Variants in ELAVL1 observed in about 807,000 individuals in gnomAD.
The protein encoded by ELAVL1 is ELAV-like protein 1.
Under a neutral mutation model 28.4 loss-of-function variants are expected in ELAVL1, and 1 was observed. The observed-to-expected ratio is 0.04, with a 90% CI of 0.01 to 0.17. ELAVL1 has a LOEUF of 0.17. Among genes scored for constraint, ELAVL1 ranks in the 10% least tolerant of loss-of-function variants. The probability of loss-of-function intolerance (pLI) is 1.00; values close to 1 mark genes in which losing one functional copy is unlikely to be tolerated. For missense variants in ELAVL1, 157 were observed against 447.2 expected, an observed-to-expected ratio of 0.35 and a Z score of 5.85; for synonymous variants, 174 against 183.5, an observed-to-expected ratio of 0.95 and a Z score of 0.42.
chr19:7,963,480 G>C lies in ELAVL1; in HGVS notation c.*3C>G. The C allele has an allele frequency of 6.2e-7, 1 of 1,600,738 alleles. No individual in the cohort carries two copies. ...ATTCCGTACAAAAAAAAGCATGAGC[G>C]AGTTATTTGTGGGACTTGTTGGTTT... On this transcript the variant is annotated 3_prime_UTR_variant, in exon 6 of 6. Transcript: ENST00000407627. This position sits in a 1 kb window ranked among gnomAD's most constrained non-coding sequence, Gnocchi z 4.5.
chr19:7,986,465 C>T (rs765652669), intron 2 of ELAVL1, among the ~76,000 whole-genome samples: 1 of 152,234 alleles, frequency 6.6e-6, no homozygotes, highest in African/African-American at 2.4e-5. Flanking sequence ...TCACCCTGAT[C>T]GGATGTCGCT....
chr19:7,981,193 A>G lies in ELAVL1; in HGVS notation c.173-7T>C, dbSNP rs2145213147. On this transcript the variant is annotated splice_polypyrimidine_tract_variant and splice_region_variant and intron_variant, in intron 2 of 5. Coordinates refer to ENST00000407627, the MANE Select transcript of ELAVL1 (RefSeq NM_001419.3). This position sits in a 1 kb window ranked among gnomAD's most constrained non-coding sequence, Gnocchi z 4.2. ...CCATAGCCCAAGCTGTGTCCTGTGC[A>G]AGAGAACATGAAGACATTGGTAAGC... The G allele has an allele frequency of 6.2e-7, 1 of 1,614,120 alleles. No individual in the cohort carries two copies. The highest frequency in any genetic ancestry group is 1.7e-5 in the Admixed American group (1 of 60,020).
chr19:7,969,367 G>A (rs916358396), intron 4 of ELAVL1, among the ~76,000 whole-genome samples: 3 of 152,216 alleles, frequency 2.0e-5, no homozygotes, highest in East Asian at 1.9e-4. Context: ...CTGTCTCCAC[G>A]CCTCACACGG....
At chr19:7,986,832 C>A (rs1282973809) in intron 2 of ELAVL1, among the ~76,000 whole-genome samples, 1 of 152,128 alleles carries the variant, frequency 6.6e-6, no homozygotes, top group East Asian at 1.9e-4. Flanking sequence ...GAGAGAAGAG[C>A]CCATTCTGTA....
At chr19:7,999,976 T>C (rs2081061980) in intron 1 of ELAVL1, among the ~76,000 whole-genome samples, 1 of 152,150 alleles carries the variant, frequency 6.6e-6, no homozygotes, top group Non-Finnish European at 1.5e-5. Context: ...AGGGTTTCAC[T>C]ACGTTGGCCA....
intron 3 of ELAVL1, among the ~76,000 whole-genome samples, chr19:7,978,129 C>T (rs1052703926): frequency 6.6e-6 from 1 of 152,242 alleles, no homozygotes; most frequent in Non-Finnish European, 1.5e-5. Context: ...GCCAGTGACC[C>T]CCAGCACCTG....
At chr19:7,986,551 G>C (rs201061480) in intron 2 of ELAVL1, among the ~76,000 whole-genome samples, 1 of 152,162 alleles carries the variant, frequency 6.6e-6, no homozygotes, top group East Asian at 1.9e-4. Flanking sequence ...AAGGAAGGGT[G>C]AACTAAGCGT....
intron 2 of ELAVL1, among the ~76,000 whole-genome samples, chr19:7,987,869 G>A (rs573210027): frequency 3.9e-5 from 6 of 152,312 alleles, no homozygotes; most frequent in East Asian, 1.9e-4. Flanking sequence ...AACCCACAGC[G>A]GAGCATCTGA....
intron 1 of ELAVL1, among the ~76,000 whole-genome samples, chr19:7,997,666 T>C (rs1037335382): frequency 1.3e-5 from 2 of 151,942 alleles, no homozygotes; most frequent in African/African-American, 4.8e-5. Flanking sequence ...ATTGTCTGAG[T>C]GTGGCGACTC....
chr19:7,996,052 T>C (rs1985865342), intron 1 of ELAVL1, among the ~76,000 whole-genome samples: 2 of 152,010 alleles, frequency 1.3e-5, no homozygotes, highest in African/African-American at 4.8e-5. Flanking sequence ...AATTTTTTAT[T>C]TTTTGTCGAG....
chr19:7,982,654 G>A lies in ELAVL1; in HGVS notation c.173-1468C>T, dbSNP rs1599672648. Among the ~76,000 whole-genome samples, 2 of 152,298 alleles carry A rather than the reference G, an allele frequency of 1.3e-5. No homozygotes were observed. The highest frequency in any genetic ancestry group is 3.4e-3 in the Middle Eastern group (1 of 294). On this transcript the variant is annotated intron_variant, in intron 2 of 5. Transcript: ENST00000407627. This position sits in a 1 kb window ranked among gnomAD's most constrained non-coding sequence, Gnocchi z 4.3. ...CAAGTGAGTATGAAATGCTGGTGAC[G>A]ATGAATGTTCCCATTACCTCTAGTC...
Position 7,982,751 on chromosome 19 carries a change from G to A in ELAVL1, c.173-1565C>T, listed in dbSNP as rs938550959. On this transcript the variant is annotated intron_variant, in intron 2 of 5. Coordinates refer to ENST00000407627, the MANE Select transcript of ELAVL1 (RefSeq NM_001419.3). The surrounding 1 kb of genome is among the most constrained non-coding windows in gnomAD (Gnocchi z 4.3). The stretch of plus-strand genomic sequence containing the variant: ...CCCAGGACCTCATCCAGGATCCCAC[G>A]TGACATTTAGCAGTCACATCCCCTC... Among the ~76,000 whole-genome samples the A allele has an allele frequency of 2.0e-5, 3 of 152,090 alleles. No homozygotes were observed. Among genetic ancestry groups the A allele is most frequent in the Non-Finnish European group, 4.4e-5 (3 of 68,032 alleles).
chr19:7,980,176 C>T (rs757006161), intron 3 of ELAVL1, among the ~76,000 whole-genome samples: 1 of 152,126 alleles, frequency 6.6e-6, no homozygotes, highest in Non-Finnish European at 1.5e-5. Context: ...GAAGCCCTTA[C>T]GTCTGTGGGT....
intron 3 of ELAVL1, among the ~76,000 whole-genome samples, chr19:7,978,681 T>C (rs532197603): frequency 1.4e-4 from 21 of 152,174 alleles, no homozygotes; most frequent in Non-Finnish European, 2.8e-4. Flanking sequence ...TAGTGAGTCA[T>C]GCACCCTGAA....
chr19:7,998,249 G>A (rs1369888714), intron 1 of ELAVL1, among the ~76,000 whole-genome samples: 1 of 152,120 alleles, frequency 6.6e-6, no homozygotes. Context: ...CCACAACTGG[G>A]CCTTGTCACC....
intron 4 of ELAVL1, among the ~76,000 whole-genome samples, chr19:7,970,056 T>TC (rs1166499139): frequency 6.6e-6 from 1 of 152,138 alleles, no homozygotes; most frequent in African/African-American, 2.4e-5. Context: ...CACTGCAACC[T>TC]CCACCTCCCC....
rs960527878 is a variant in ELAVL1, at chr19:7,979,805, G to A, written c.276+1278C>T. ...CTGGGAGAGCTGCTGCTGAGCCAGGGTTTGGCCACTGAGTAACCAAGATCA... is the reference window on the plus strand; with the variant it reads ...CTGGGAGAGCTGCTGCTGAGCCAGGATTTGGCCACTGAGTAACCAAGATCA... On this transcript the variant is annotated intron_variant, in intron 3 of 5. Transcript: ENST00000407627. The surrounding 1 kb of genome is among the most constrained non-coding windows in gnomAD (Gnocchi z 5.4). 1.3e-5 allele frequency among the ~76,000 whole-genome samples: 2 copies of A among 152,180 alleles called. No homozygotes were observed. Among genetic ancestry groups the A allele is most frequent in the Admixed American group, 6.5e-5 (1 of 15,290 alleles).
rs1295913990 is a variant in ELAVL1, at chr19:7,960,174, G to A, written c.*3309C>T. Reference sequence around the variant, plus strand: ...CGTCTTCGGGTGCTTCTATTTCTCTGATCCAGCAGGGACCCCTGGGCTGCC... The same window carrying A: ...CGTCTTCGGGTGCTTCTATTTCTCTAATCCAGCAGGGACCCCTGGGCTGCC... On this transcript the variant is annotated 3_prime_UTR_variant, in exon 6 of 6. Transcript: ENST00000407627. 6.6e-6 allele frequency: 1 copy of A among 152,166 alleles called. No individual in the cohort carries two copies. The highest frequency in any genetic ancestry group is 2.1e-4 in the South Asian group (1 of 4,828). The allele number at this position is 152,166 out of a possible 1,614,324, so 9.4% of individuals were successfully genotyped here. A position where few individuals can be genotyped will look rare whatever the true frequency, so the allele number is the denominator to read the frequency against.
intron 4 of ELAVL1, among the ~76,000 whole-genome samples, chr19:7,970,931 C>T (rs897224610): frequency 6.6e-6 from 1 of 152,218 alleles, no homozygotes; most frequent in Non-Finnish European, 1.5e-5. Context: ...GCCTGCCACA[C>T]ACACTCTGTC....
Sources: gnomAD v4.1 joint callset for allele counts (sites outside exome capture counted in the v4.1 genomes callset) on GRCh38, gnomAD v4.1.1 for gene constraint, Gnocchi (gnomAD v3.1) non-coding constraint, MANE v1.5 for transcripts, NCBI Gene and HGNC (gene_info 2026-07-23, HGNC 2026-07-21) for gene names.